The following RANBP10 variants were observed in gnomAD, a reference collection of about 807,000 sequenced individuals.
RANBP10 encodes RAN binding protein 10, also known as ran-binding protein 10.
Under a neutral mutation model 72.8 loss-of-function variants are expected in RANBP10, and 24 were observed. The observed-to-expected ratio is 0.33, with a 90% CI of 0.24 to 0.46. RANBP10 has a LOEUF of 0.46. Among genes scored for constraint, RANBP10 ranks in the 20% least tolerant of loss-of-function variants. The pLI, the probability that RANBP10 is intolerant of heterozygous loss-of-function variation, is 1.00. For synonymous variants in RANBP10, 310 were observed against 322.3 expected (o/e 0.96, Z 0.41); for missense variants, 679 against 817.5 (o/e 0.83, Z 2.07).
intron 3 of RANBP10, among the ~76,000 whole-genome samples, chr16:67,750,797 C>T: frequency 7.9e-6 from 1 of 127,278 alleles, no homozygotes; most frequent in South Asian, 2.6e-4. Flanking sequence ...GACGTAGTCT[C>T]ACTCTGTTGC....
At chr16:67,741,562 GCA>G (rs34200973) in intron 4 of RANBP10, among the ~76,000 whole-genome samples, 2 of 152,344 alleles carry the variant, frequency 1.3e-5, no homozygotes, top group East Asian at 3.9e-4. Flanking sequence ...TTGTGGGAAA[GCA>G]CAGAGTTGTG....
chr16:67,727,544 A>C, intron 12 of RANBP10, 106 bp from the exon 13 acceptor site: 1 of 1,327,984 alleles, frequency 7.5e-7, no homozygotes, highest in Non-Finnish European at 1.1e-6. Flanking sequence ...CCAGCCTGGA[A>C]TGTGGGGTGT....
chr16:67,791,788 A>T (rs1337025137), intron 2 of RANBP10, among the ~76,000 whole-genome samples: 1 of 152,202 alleles, frequency 6.6e-6, no homozygotes, highest in Admixed American at 6.5e-5. Flanking sequence ...GATCCTTGGA[A>T]GATGGTTCAG....
At chr16:67,732,603 T>C (rs2053755532) in intron 6 of RANBP10, among the ~76,000 whole-genome samples, 1 of 152,116 alleles carries the variant, frequency 6.6e-6, no homozygotes, top group African/African-American at 2.4e-5. Context: ...AAATGATATA[T>C]TACATAATAT....
rs2053699758 is a variant in RANBP10 at position 67,730,213 on chromosome 16, A to G, written c.890-167T>C. ...AGAAAGAACCTGACTGCCCAGCCCA[A>G]CAGATCCTGGTTTCTGCCAAGTGTC... On this transcript the variant is annotated intron_variant, in intron 7 of 13. Coordinates refer to ENST00000317506, the MANE Select transcript of RANBP10 (RefSeq NM_020850.3). The surrounding 1 kb of genome is among the most constrained non-coding windows in gnomAD (Gnocchi z 4.3). Among the ~76,000 whole-genome samples the G allele has an allele frequency of 6.6e-6, 1 of 152,204 alleles. No homozygotes were observed. Among genetic ancestry groups the G allele is most frequent in the South Asian group, 2.1e-4 (1 of 4,836 alleles).
intron 3 of RANBP10, among the ~76,000 whole-genome samples, chr16:67,762,151 G>C (rs571532712): frequency 1.2e-4 from 18 of 152,240 alleles, no homozygotes; most frequent in Admixed American, 1.2e-3. Context: ...TGTAGTTCCA[G>C]CTACTCGGGA....
intron 7 of RANBP10, 117 bp downstream of exon 7, chr16:67,731,355 G>A: frequency 5.1e-6 from 4 of 789,922 alleles, no homozygotes; most frequent in Non-Finnish European, 8.5e-6. Context: ...GCTGCAAGCT[G>A]GTCATGAGGA....
At chr16:67,789,756 C>G (rs1437694813) in intron 2 of RANBP10, among the ~76,000 whole-genome samples, 1 of 151,738 alleles carries the variant, frequency 6.6e-6, no homozygotes, top group African/African-American at 2.4e-5. Flanking sequence ...CAGGCATGAG[C>G]CACCATGCCC....
chr16:67,777,364 G>A (rs1215749646), intron 2 of RANBP10, among the ~76,000 whole-genome samples: 4 of 150,500 alleles, frequency 2.7e-5, no homozygotes, highest in Non-Finnish European at 4.4e-5. Flanking sequence ...GTAAAACCCC[G>A]TCTCTACTAA....
intron 3 of RANBP10, chr16:67,762,454 C>T (rs756490711): frequency 3.3e-5 from 5 of 152,152 alleles, no homozygotes; most frequent in Non-Finnish European, 7.3e-5. Flanking sequence ...GTAACACAGC[C>T]GCCAGGATGC....
intron 2 of RANBP10, among the ~76,000 whole-genome samples, chr16:67,788,256 A>T (rs889974920): frequency 4.7e-5 from 7 of 150,440 alleles, no homozygotes; most frequent in Non-Finnish European, 7.4e-5. Context: ...GCCTCTACAA[A>T]TTTTTTTTTC....
intron 2 of RANBP10, among the ~76,000 whole-genome samples, chr16:67,784,101 A>C (rs2054864418): frequency 6.6e-6 from 1 of 152,034 alleles, no homozygotes; most frequent in Non-Finnish European, 1.5e-5. Context: ...AGCAATATAG[A>C]TGAATATAGA....
At chr16:67,777,869 A>G (rs1567704835) in intron 2 of RANBP10, among the ~76,000 whole-genome samples, 1 of 152,230 alleles carries the variant, frequency 6.6e-6, no homozygotes, top group Non-Finnish European at 1.5e-5. Flanking sequence ...ACAAAGCTAC[A>G]ATAATAAATC....
chr16:67,785,731 C>CAAAAAAAAAAAAAAAAAAAAA (rs61683439), intron 2 of RANBP10, among the ~76,000 whole-genome samples: 48 of 71,762 alleles, frequency 6.7e-4, no homozygotes, highest in African/African-American at 1.7e-3. Flanking sequence ...GACTCCATCT[C>CAAAAAAAAAAAAAAAAAAAAA]AAAAAAAAAA....
intron 2 of RANBP10, among the ~76,000 whole-genome samples, chr16:67,790,051 G>T (rs767922921): frequency 6.6e-6 from 1 of 151,034 alleles, no homozygotes; most frequent in Non-Finnish European, 1.5e-5. Flanking sequence ...AGCCGAGATC[G>T]CACCACTGCA....
chr16:67,796,068 C>A (rs931109023), intron 2 of RANBP10, among the ~76,000 whole-genome samples: 2 of 151,678 alleles, frequency 1.3e-5, no homozygotes, highest in Admixed American at 1.3e-4. Context: ...AGGCGCCTGC[C>A]ACCATGCCCA....
At chr16:67,745,021 G>A (rs950884735) in intron 3 of RANBP10, among the ~76,000 whole-genome samples, 2 of 151,724 alleles carry the variant, frequency 1.3e-5, no homozygotes, top group Non-Finnish European at 2.9e-5. Context: ...TAGTAGAGAC[G>A]GTGTTTCACC....
chr16:67,793,910 C>T (rs1243218058), intron 2 of RANBP10, among the ~76,000 whole-genome samples: 2 of 151,802 alleles, frequency 1.3e-5, no homozygotes, highest in African/African-American at 4.8e-5. Context: ...AGACGAGTCT[C>T]ACTCTCTCAT....
intron 3 of RANBP10, among the ~76,000 whole-genome samples, chr16:67,751,448 A>G (rs2143007838): frequency 6.6e-6 from 1 of 152,288 alleles, no homozygotes; most frequent in East Asian, 1.9e-4. Context: ...ACATGGTGAA[A>G]TCCCATCTCC....
Sources: gnomAD v4.1 joint callset for allele counts (sites outside exome capture counted in the v4.1 genomes callset) on GRCh38, gnomAD v4.1.1 for gene constraint, Gnocchi (gnomAD v3.1) non-coding constraint, MANE v1.5 for transcripts, NCBI Gene and HGNC (gene_info 2026-07-23, HGNC 2026-07-21) for gene names.